The following SNX14 variants were observed in gnomAD, a reference collection of about 807,000 sequenced individuals.
The protein encoded by SNX14 is sorting nexin 14, also known as sorting nexin-14.
In SNX14, 93 loss-of-function variants were observed where a neutral mutation model predicts 133.8. The ratio of observed to expected loss-of-function variants is 0.70; its 90% CI spans 0.59 to 0.83. SNX14 has a LOEUF of 0.83. Among genes scored for constraint, SNX14 ranks in the 40% least tolerant of loss-of-function variants. The probability of loss-of-function intolerance (pLI) is 0.00; values close to 1 mark genes in which losing one functional copy is unlikely to be tolerated. For synonymous variants in SNX14, 368 were observed against 365.6 expected, an observed-to-expected ratio of 1.01 and a Z score of -0.07; for missense variants, 945 against 1,094.9, an observed-to-expected ratio of 0.86 and a Z score of 1.93.
intron 1 of SNX14, among the ~76,000 whole-genome samples, chr6:85,584,929 G>T (rs776972336): frequency 5.3e-5 from 8 of 152,122 alleles, no homozygotes; most frequent in Admixed American, 3.9e-4. Context: ...AAATCATTCT[G>T]CTATAAAGAC....
chr6:85,553,982 A>C (rs1039856119), intron 7 of SNX14, among the ~76,000 whole-genome samples: 6 of 152,166 alleles, frequency 3.9e-5, no homozygotes, highest in Non-Finnish European at 8.8e-5. Flanking sequence ...TAAGAAATTA[A>C]AGGAAGCAGG....
intron 18 of SNX14, among the ~76,000 whole-genome samples, chr6:85,531,093 A>G (rs1433381305): frequency 6.6e-6 from 1 of 152,184 alleles, no homozygotes; most frequent in Non-Finnish European, 1.5e-5. Context: ...TAATGCAACT[A>G]AAGAACTGAA....
At chr6:85,579,106 C>G (rs1321025199) in intron 1 of SNX14, among the ~76,000 whole-genome samples, 3 of 152,008 alleles carry the variant, frequency 2.0e-5, no homozygotes, top group African/African-American at 4.8e-5. Context: ...CCACTATACT[C>G]CAGCCTGGGT....
At chr6:85,528,053 T>C (rs1005426875) in intron 20 of SNX14, among the ~76,000 whole-genome samples, 7 of 152,138 alleles carry the variant, frequency 4.6e-5, no homozygotes, top group Admixed American at 2.6e-4. Context: ...TAAGAAAATA[T>C]CTTGCATTTC....
intron 26 of SNX14, 39 bp from the exon 27 acceptor site, chr6:85,508,098 T>C (rs186223579): frequency 6.3e-7 from 1 of 1,590,728 alleles, no homozygotes; most frequent in African/African-American, 1.4e-5. Flanking sequence ...TTTTATATTA[T>C]AAAGTGACTC....
intron 1 of SNX14, among the ~76,000 whole-genome samples, chr6:85,578,910 C>T (rs900636648): frequency 3.3e-5 from 5 of 151,888 alleles, no homozygotes; most frequent in Non-Finnish European, 5.9e-5. Context: ...CTGAGGCGGG[C>T]GGATCACCTG....
Position 85,574,264 on chromosome 6 carries a change from T to G in SNX14, c.255A>C (p.Lys85Asn). Residue 85 changes from lysine to asparagine, a missense_variant, in exon 2 of 29, where the codon AAA becomes AAC. Around this residue, in one of 3 missense-constraint regions of SNX14, gnomAD observed 514 missense variants for 538.8 expected, o/e 0.95. Transcript: ENST00000314673. ...TAAGAACACATAATTTTACCTTGGGTTTGTATTTTATTGTGAAGAATATAT... is the reference window on the plus strand; with the variant it reads ...TAAGAACACATAATTTTACCTTGGGGTTGTATTTTATTGTGAAGAATATAT... ...LPNIFFTIKY[K>N]PKQLGLQELF... 6.3e-7 allele frequency: 1 copy of G among 1,579,614 alleles called. No homozygotes were observed.
chr6:85,586,000 A>C (rs570819391), intron 1 of SNX14, among the ~76,000 whole-genome samples: 100 of 152,188 alleles, frequency 6.6e-4, no homozygotes, highest in African/African-American at 1.9e-3. Context: ...GAAAAAAAAA[A>C]AAAAAAAACT....
chr6:85,578,280 C>T (rs1320789966), intron 1 of SNX14, among the ~76,000 whole-genome samples: 1 of 152,158 alleles, frequency 6.6e-6, no homozygotes, highest in African/African-American at 2.4e-5. Context: ...TATGCAGTTA[C>T]ATTTGTAGAT....
At chr6:85,563,920 C>G (rs147669183) in intron 6 of SNX14, among the ~76,000 whole-genome samples, 5 of 152,092 alleles carry the variant, frequency 3.3e-5, no homozygotes, top group East Asian at 1.9e-4. Context: ...ATCCCTCCCC[C>G]CTTCCCCCAC....
intron 12 of SNX14, among the ~76,000 whole-genome samples, chr6:85,544,134 CCAAT>C (rs1784754325): frequency 6.6e-6 from 1 of 151,226 alleles, no homozygotes; most frequent in Admixed American, 6.6e-5. Flanking sequence ...TTTTTTAGTC[CCAAT>C]CAATGTTTTT....
rs752234998 is a variant in SNX14 at position 85,548,368 on chromosome 6, G to T, written c.800C>A (p.Thr267Asn). The change falls in exon 9 of 29, where the codon ACC becomes AAC. Residue 267 changes from threonine (T) to asparagine (N), a missense_variant. By Grantham distance (65) the Thr-to-Asn change is moderately conservative. Transcript: ENST00000314673. ...PPKATDCRSL[T>N]LLIREILSGS... is the part of the protein sequence containing the mutation. ...AGACAGAATCTCTCTTATAAGTAAG[G>T]TCAGAGATCTGGAAAAAGAAATAAT... 1.4e-5 allele frequency: 22 copies of T among 1,593,338 alleles called. No individual in the cohort carries two copies. The Admixed American group carries it at 4.0e-4, about 29-fold the overall frequency.
intron 26 of SNX14, among the ~76,000 whole-genome samples, chr6:85,510,738 C>A (rs1219026590): frequency 6.6e-6 from 1 of 152,188 alleles, no homozygotes; most frequent in Admixed American, 6.5e-5. Flanking sequence ...CTAAGTTTTA[C>A]AGTTTTGCTG....
intron 18 of SNX14, among the ~76,000 whole-genome samples, chr6:85,532,773 G>C (rs1780672823): frequency 6.6e-6 from 1 of 152,082 alleles, no homozygotes; most frequent in Non-Finnish European, 1.5e-5. Flanking sequence ...TGTTTATCCT[G>C]CTACATACAG....
intron 11 of SNX14, 39 bp downstream of exon 11, chr6:85,547,278 T>C: frequency 6.2e-7 from 1 of 1,610,388 alleles, no homozygotes; most frequent in Middle Eastern, 1.7e-4. Flanking sequence ...GTTCTAAAAT[T>C]GTTTATATCA....
At chr6:85,542,102 G>A (rs1433843453) in intron 14 of SNX14, 59 bp from the exon 15 acceptor site, 2 of 1,162,774 alleles carry the variant, frequency 1.7e-6, no homozygotes, top group South Asian at 3.4e-5. Flanking sequence ...ATTAAAACAT[G>A]TTACCTTAGT....
At chr6:85,585,242 G>A (rs1046401611) in intron 1 of SNX14, among the ~76,000 whole-genome samples, 1 of 152,048 alleles carries the variant, frequency 6.6e-6, no homozygotes, top group Non-Finnish European at 1.5e-5. Context: ...GCTGGGGAGT[G>A]GGGGACTGGG....
chr6:85,593,441 C>T, intron 1 of SNX14, 138 bp downstream of exon 1: 3 of 1,329,126 alleles, frequency 2.3e-6, no homozygotes, highest in Non-Finnish European at 3.0e-6. Context: ...TCCCCGAGGC[C>T]GCTCCTCTGC....
Position 85,521,646 on chromosome 6 carries a change from A to C in SNX14, c.2108-3598T>G, listed in dbSNP as rs543419746. Among the ~76,000 whole-genome samples, 417 of 152,266 alleles carry C rather than the reference A, an allele frequency of 2.7e-3. 1 individual carries two copies. The highest frequency in any genetic ancestry group is 9.6e-3 in the African/African-American group (398 of 41,548). ...CTGCTGCTTGTTTCCTTTGCTGTGT[A>C]GAAGCCTTTTATTAGATTGGTGCAA... On this transcript the variant is annotated intron_variant, in intron 21 of 28. Transcript: ENST00000314673.
Sources: allele counts gnomAD v4.1 joint callset (sites outside exome capture counted in the v4.1 genomes callset), GRCh38; gene constraint gnomAD v4.1.1; regional missense constraint gnomAD v4.1.1; transcripts MANE v1.5; gene names NCBI Gene and HGNC (gene_info 2026-07-23, HGNC 2026-07-21).